LPIN1: variants seen among roughly 807,000 people sequenced by gnomAD.
The protein encoded by LPIN1 is phosphatidate phosphatase LPIN1.
LPIN1 carries 71 observed loss-of-function variants against 107.5 expected under a neutral mutation model. The observed-to-expected ratio is 0.66, with a 90% CI of 0.55 to 0.80. The LOEUF is 0.80. Ranked by LOEUF, LPIN1 falls within the 30% of genes least tolerant of loss-of-function variation. The pLI, the probability that LPIN1 is intolerant of heterozygous loss-of-function variation, is 0.00. For synonymous variants in LPIN1, 445 were observed against 452.6 expected (o/e 0.98, Z 0.21); for missense variants, 1,043 against 1,160.6 (o/e 0.90, Z 1.47).
At chr2:11,693,713 G>GGCAC (rs1662384099) in intron 1 of LPIN1, among the ~76,000 whole-genome samples, 1 of 144,530 alleles carries the variant, frequency 6.9e-6, no homozygotes, top group Non-Finnish European at 1.5e-5. Context: ...AGTTCGTAGG[G>GGCAC]GCACTAATGT....
In LPIN1 at chr2:11,783,843, C is replaced by G; in HGVS notation, c.1279C>G (p.His427Asp). 6.2e-7 allele frequency: 1 copy of G among 1,614,126 alleles called. No homozygotes were observed. The change falls in exon 9 of 21, where the codon CAT (histidine) becomes GAT (aspartate). Residue 427 changes from histidine (H) to aspartate (D), a missense_variant. Transcript: ENST00000674199. Reference protein sequence around the residue: ...PSRKRDKRSRHLGADGVYLDD... With the variant: ...PSRKRDKRSRDLGADGVYLDD... The stretch of plus-strand genomic sequence containing the variant: ...TGCCGTTTTAGATAAACGAAGCCGA[C>G]ATCTTGGTGCTGACGGCGTCTACTT...
At chr2:11,819,728 G>T (rs1341949828) in intron 19 of LPIN1, 130 bp downstream of exon 19, 1 of 782,764 alleles carries the variant, frequency 1.3e-6, no homozygotes, top group Non-Finnish European at 2.3e-6. Flanking sequence ...GCCTGGTGAA[G>T]AGCCACTTGC....
In LPIN1 at chr2:11,825,320, T is replaced by C. The variant is rs1682230386; in HGVS notation, c.*529T>C. 1 of 161,370 alleles carries C rather than the reference T, an allele frequency of 6.2e-6. No homozygotes were observed. The highest frequency in any genetic ancestry group is 5.9e-5 in the Admixed American group (1 of 16,852). The allele number at this position is 161,370 out of a possible 1,614,324, so 10.0% of individuals were successfully genotyped here. ...CTGGATCTGAGGTCTCTGATAGAAA[T>C]CTGGACGCCACCGGGTCCAGGCCTG... is the stretch of plus-strand genomic sequence containing the variant. On this transcript the variant is annotated 3_prime_UTR_variant, in exon 21 of 21. Coordinates refer to ENST00000674199, the MANE Select transcript of LPIN1 (RefSeq NM_001349206.2). This position sits in a 1 kb window ranked among gnomAD's most constrained non-coding sequence, Gnocchi z 4.1.
chr2:11,750,904 G>A (rs887179455), intron 1 of LPIN1, among the ~76,000 whole-genome samples: 1 of 152,196 alleles, frequency 6.6e-6, no homozygotes, highest in Non-Finnish European at 1.5e-5. Flanking sequence ...TAAGGGCAGA[G>A]CATTCTTTTT....
chr2:11,735,406 G>A (rs1347486973), intron 1 of LPIN1, among the ~76,000 whole-genome samples: 1 of 152,014 alleles, frequency 6.6e-6, no homozygotes, highest in African/African-American at 2.4e-5. Context: ...TTATATTAAT[G>A]TTATGCTTTA....
chr2:11,687,483 CA>C (rs975550603), intron 1 of LPIN1, among the ~76,000 whole-genome samples: 12 of 151,816 alleles, frequency 7.9e-5, no homozygotes, highest in African/African-American at 2.9e-4. Context: ...GACAGCAAGG[CA>C]GGGACAGGGG....
upstream of LPIN1, among the ~76,000 whole-genome samples, chr2:11,719,552 C>A (rs529270777): frequency 2.0e-5 from 3 of 152,344 alleles, no homozygotes; most frequent in Non-Finnish European, 4.4e-5. Flanking sequence ...ATTGAAGATG[C>A]CCCTCCTGTT....
chr2:11,744,524 C>T (rs759187875), upstream of LPIN1, among the ~76,000 whole-genome samples: 258 of 152,372 alleles, frequency 1.7e-3, no homozygotes, highest in Middle Eastern at 3.4e-3. Context: ...CCAGACCCTG[C>T]TCATCAGAGC....
At position 11,746,687 on chromosome 2, in the gene LPIN1, C is replaced by T; in HGVS notation, c.-10+16C>T. 2.0e-6 allele frequency: 2 copies of T among 983,542 alleles called. No homozygotes were observed. The highest frequency in any genetic ancestry group is 2.4e-6 in the Non-Finnish European group (2 of 828,362). 60.9% of individuals were successfully genotyped at this position (983,542 alleles called of 1,614,324 possible). On this transcript the variant is annotated intron_variant, in intron 1 of 20. Coordinates refer to ENST00000674199, the MANE Select transcript of LPIN1 (RefSeq NM_001349206.2). ...GCGCCGCTCGGTGAGTAGCCGCCGC[C>T]TCCAGCCTCCCGCTGTGGAGCAGGG...
At chr2:11,734,267 G>A (rs1299563728) in intron 1 of LPIN1, among the ~76,000 whole-genome samples, 1 of 152,156 alleles carries the variant, frequency 6.6e-6, no homozygotes. Flanking sequence ...TAATAATAAC[G>A]AGCATGAGGG....
In LPIN1 at chr2:11,774,761, T is replaced by C. The variant is rs1028412550; in HGVS notation, c.722+1016T>C. On this transcript the variant is annotated intron_variant, in intron 5 of 20. Transcript: ENST00000674199. The surrounding 1 kb of genome is among the most constrained non-coding windows in gnomAD (Gnocchi z 4.4). ...TCCCCAGTGTGTGCTGACATGGAGG[T>C]TGGAGAGAAAATAGATATGTCCCAT... 2.0e-5 allele frequency among the ~76,000 whole-genome samples: 3 copies of C among 151,890 alleles called. No homozygotes were observed. The highest frequency in any genetic ancestry group is 2.1e-4 in the South Asian group (1 of 4,806).
chr2:11,782,299 C>A lies in LPIN1; in HGVS notation c.1056C>A (p.Asp352Glu). The change falls in exon 8 of 21, where the codon GAC becomes GAA. Residue 352 changes from aspartate to glutamate, a missense_variant. Transcript: ENST00000674199. ...HFQAIHSESS[D>E]TFSDQSPTLV... is the part of the protein sequence containing the mutation. The stretch of plus-strand genomic sequence containing the variant: ...AGGCCATTCACAGCGAATCTTCAGA[C>A]ACTTTTAGTGACCAATCGCCAACTC... The A allele has an allele frequency of 1.9e-6, 3 of 1,614,194 alleles. No individual in the cohort carries two copies. The highest frequency in any genetic ancestry group is 1.7e-6 in the Non-Finnish European group (2 of 1,180,026).
At chr2:11,748,475 T>C (rs1447410822) in intron 1 of LPIN1, among the ~76,000 whole-genome samples, 1 of 152,162 alleles carries the variant, frequency 6.6e-6, no homozygotes, top group Non-Finnish European at 1.5e-5. Context: ...TCATACCCAT[T>C]CACAGGATTG....
chr2:11,776,281 A>G, intron 6 of LPIN1, 88 bp downstream of exon 6: 1 of 780,948 alleles, frequency 1.3e-6, no homozygotes, highest in Non-Finnish European at 2.0e-6. Context: ...ACCATTAACC[A>G]AATTACTTAT....
chr2:11,815,731 C>G (rs901484133), intron 18 of LPIN1, among the ~76,000 whole-genome samples: 7 of 152,096 alleles, frequency 4.6e-5, no homozygotes, highest in African/African-American at 1.4e-4. Flanking sequence ...TGACACCCAT[C>G]ATACTTGTCA....
intron 2 of LPIN1, chr2:11,741,565 G>C: frequency 1.5e-6 from 1 of 653,784 alleles, no homozygotes; most frequent in Non-Finnish European, 2.7e-6. Context: ...AGGAGTTTGA[G>C]ACCAGCCTGG....
intron 12 of LPIN1, among the ~76,000 whole-genome samples, chr2:11,790,274 G>A (rs756302): frequency 0.017 from 2,604 of 152,310 alleles, 27 homozygotes; most frequent in Middle Eastern, 0.075. Context: ...CTCATATGAT[G>A]AGGATCTTAG....
chr2:11,804,619 G>A (rs746633415), intron 16 of LPIN1, 48 bp downstream of exon 16: 19 of 1,592,760 alleles, frequency 1.2e-5, no homozygotes, highest in South Asian at 6.6e-5. Flanking sequence ...TTGCTTCACC[G>A]TGGGGGTCTC....
Position 11,804,519 on chromosome 2 carries a change from T to C in LPIN1, c.2110T>C (p.Trp704Arg). Residue 704 changes from tryptophan (W) to arginine (R), a missense_variant, in exon 16 of 21, where the codon TGG (tryptophan) becomes CGG (arginine). Transcript: ENST00000674199. ...TCRCEGTIYL[W>R]NWDDKVIISD... is the part of the protein sequence containing the mutation. ...CCGCTGTGAGGGCACCATCTATCTG[T>C]GGAACTGGGATGATAAAGTCATCAT... 1 of 1,614,186 alleles carries C rather than the reference T, an allele frequency of 6.2e-7. No homozygotes were observed. The highest frequency in any genetic ancestry group is 8.5e-7 in the Non-Finnish European group (1 of 1,180,032).
Sources: gnomAD v4.1 joint callset for allele counts (sites outside exome capture counted in the v4.1 genomes callset) on GRCh38, gnomAD v4.1.1 for gene constraint, Gnocchi (gnomAD v3.1) non-coding constraint, MANE v1.5 for transcripts, NCBI Gene and HGNC (gene_info 2026-07-23, HGNC 2026-07-21) for gene names.